Variants in FILIP1L observed in about 807,000 individuals in gnomAD.
FILIP1L encodes filamin A-interacting protein 1-like.
Under a neutral mutation model 96.6 loss-of-function variants are expected in FILIP1L, and 55 were observed. That is an observed-to-expected ratio of 0.57 (90% CI 0.46 to 0.71). The LOEUF (loss-of-function observed/expected upper bound fraction) is 0.71, where lower values mean the gene tolerates loss of function less well. FILIP1L is among the 30% of genes least tolerant of loss of function. The pLI is 0.00. For synonymous variants in FILIP1L, 467 were observed against 473.9 expected (o/e 0.99, Z 0.19); for missense variants, 1,304 against 1,321.2 (o/e 0.99, Z 0.20).
intron 1 of FILIP1L, among the ~76,000 whole-genome samples, chr3:99,962,071 G>A (rs1708510161): frequency 6.6e-6 from 1 of 152,182 alleles, no homozygotes; most frequent in South Asian, 2.1e-4. Flanking sequence ...GCAAAGTCCT[G>A]AAGAGTACTA....
chr3:99,876,238 C>G (rs1705512874), intron 4 of FILIP1L: 1 of 985,032 alleles, frequency 1.0e-6, no homozygotes, highest in Non-Finnish European at 1.2e-6. Flanking sequence ...ATAAGGCGCT[C>G]CGCGTGTGCG....
chr3:99,946,537 A>G (rs1708013343), intron 1 of FILIP1L, among the ~76,000 whole-genome samples: 1 of 152,236 alleles, frequency 6.6e-6, no homozygotes, highest in Non-Finnish European at 1.5e-5. Context: ...AGCTGCAGCT[A>G]AAGAATGGGC....
intron 1 of FILIP1L, among the ~76,000 whole-genome samples, chr3:100,012,942 T>C (rs774793053): frequency 2.0e-5 from 3 of 151,936 alleles, no homozygotes; most frequent in Non-Finnish European, 4.4e-5. Flanking sequence ...CCAACCAATT[T>C]TTTATTTTAT....
chr3:100,054,497 G>A (rs931481398), intron 1 of FILIP1L, among the ~76,000 whole-genome samples: 4 of 131,226 alleles, frequency 3.0e-5, no homozygotes, highest in African/African-American at 5.5e-5. Flanking sequence ...GTTTTGTTAT[G>A]TTATGTTATG....
intron 4 of FILIP1L, among the ~76,000 whole-genome samples, chr3:99,869,611 C>G (rs1262737551): frequency 6.6e-6 from 1 of 152,070 alleles, no homozygotes; most frequent in Non-Finnish European, 1.5e-5. Flanking sequence ...AGCAAGAAAC[C>G]AGCAACTTTC....
At chr3:100,046,203 A>C (rs189933673) in intron 1 of FILIP1L, among the ~76,000 whole-genome samples, 1 of 152,280 alleles carries the variant, frequency 6.6e-6, no homozygotes, top group South Asian at 2.1e-4. Flanking sequence ...AATCCTGAAT[A>C]CTTGAAACTG....
intron 4 of FILIP1L, among the ~76,000 whole-genome samples, chr3:99,920,479 G>A (rs1707090229): frequency 6.6e-6 from 1 of 152,150 alleles, no homozygotes; most frequent in African/African-American, 2.4e-5. Context: ...CTGTAATTCA[G>A]CCAAGTACAT....
At chr3:99,991,858 A>ATG (rs1709521995) in intron 1 of FILIP1L, among the ~76,000 whole-genome samples, 2 of 111,142 alleles carry the variant, frequency 1.8e-5, no homozygotes, top group South Asian at 2.9e-4. Context: ...GTGTGTGTGT[A>ATG]TGTGTATATA....
chr3:100,059,950 TAAATCACATATGTATG>T (rs910058493), intron 1 of FILIP1L, among the ~76,000 whole-genome samples: 7 of 151,254 alleles, frequency 4.6e-5, no homozygotes, highest in Admixed American at 2.0e-4. Context: ...GTTAGTGAGG[TAAATCACATATGTATG>T]AAATGATTAA....
chr3:99,906,852 C>T (rs955807493), intron 4 of FILIP1L, among the ~76,000 whole-genome samples: 2 of 152,138 alleles, frequency 1.3e-5, no homozygotes, highest in African/African-American at 4.8e-5. Context: ...TTGCCATTTT[C>T]CCCACCCATG....
intron 5 of FILIP1L, among the ~76,000 whole-genome samples, chr3:99,836,342 A>G (rs534944223): frequency 6.6e-6 from 1 of 152,314 alleles, no homozygotes; most frequent in South Asian, 2.1e-4. Flanking sequence ...TGGACCATCA[A>G]TAGAGGCGAG....
chr3:99,849,692 T>G lies in FILIP1L; in HGVS notation c.1984A>C (p.Arg662=). 1 of 1,613,604 alleles carries G rather than the reference T, an allele frequency of 6.2e-7. No homozygotes were observed. Among genetic ancestry groups the G allele is most frequent in the Non-Finnish European group, 8.5e-7 (1 of 1,179,948 alleles). Residue 662 remains arginine, a synonymous_variant, in exon 5 of 6, where the codon AGG becomes CGG. Transcript: ENST00000477258. ...GCTTTGTCTCGTTCATTAGCATACCTTCGTTCTAGAGTCTCATATTCATCT... is the reference window on the plus strand; with the variant it reads ...GCTTTGTCTCGTTCATTAGCATACCGTCGTTCTAGAGTCTCATATTCATCT... ...TEDEYETLER[R]YANERDKAQF... is the part of the protein sequence containing the mutation.
chr3:99,980,178 TG>T (rs929070817), intron 1 of FILIP1L, among the ~76,000 whole-genome samples: 3 of 152,166 alleles, frequency 2.0e-5, no homozygotes, highest in Non-Finnish European at 2.9e-5. Context: ...AGTAGTTTAT[TG>T]GACACTCGGA....
intron 1 of FILIP1L, among the ~76,000 whole-genome samples, chr3:100,005,749 G>T (rs1324125536): frequency 2.6e-5 from 4 of 152,176 alleles, no homozygotes; most frequent in Non-Finnish European, 5.9e-5. Context: ...TTGGTTATGA[G>T]GAAGAGTGTT....
intron 4 of FILIP1L, among the ~76,000 whole-genome samples, chr3:99,899,765 C>G (rs1706376745): frequency 6.6e-6 from 1 of 152,162 alleles, no homozygotes; most frequent in Non-Finnish European, 1.5e-5. Flanking sequence ...GGGTGATGAA[C>G]CAGACTCCCT....
rs9851985 is a variant in FILIP1L, at chr3:99,856,391, A to G, written c.606-5321T>C. 6.1e-3 allele frequency among the ~76,000 whole-genome samples: 927 copies of G among 152,334 alleles called. 10 individuals are homozygous for G. The highest frequency in any genetic ancestry group is 0.021 in the African/African-American group (876 of 41,568). On this transcript the variant is annotated intron_variant, in intron 4 of 5. Coordinates refer to ENST00000477258, the MANE Select transcript of FILIP1L (RefSeq NM_001387850.1). ...AGTCTTTATGTACCCTCAGGGGTAC[A>G]TGTACCCCAGTTTAAAGACTATTGT... is the stretch of plus-strand genomic sequence containing the variant.
chr3:99,981,041 C>G, intron 1 of FILIP1L, among the ~76,000 whole-genome samples: 1 of 152,110 alleles, frequency 6.6e-6, no homozygotes, highest in Non-Finnish European at 1.5e-5. Context: ...TAGTGAAATA[C>G]AGGGGTGAGG....
At chr3:99,872,931 A>T (rs993316859) in intron 4 of FILIP1L, among the ~76,000 whole-genome samples, 148 of 149,336 alleles carry the variant, frequency 9.9e-4, no homozygotes, top group East Asian at 7.8e-3. Context: ...TTTTTTTTTT[A>T]AAAAAAGGAG....
intron 4 of FILIP1L, among the ~76,000 whole-genome samples, chr3:99,861,721 G>T (rs568591922): frequency 5.3e-5 from 8 of 152,312 alleles, no homozygotes; most frequent in African/African-American, 1.9e-4. Context: ...ATGACTGACA[G>T]CATGTACACT....
Sources: allele counts gnomAD v4.1 joint callset (sites outside exome capture counted in the v4.1 genomes callset), GRCh38; gene constraint gnomAD v4.1.1; transcripts MANE v1.5; gene names NCBI Gene and HGNC (gene_info 2026-07-23, HGNC 2026-07-21).